Variants in SLC27A6 observed in about 807,000 individuals in gnomAD.
The protein encoded by SLC27A6 is long-chain fatty acid transport protein 6.
In SLC27A6, 74 loss-of-function variants were observed where a neutral mutation model predicts 63.9. The observed-to-expected ratio is 1.16, with a 90% CI of 0.96 to 1.40. The LOEUF (loss-of-function observed/expected upper bound fraction) is 1.40, where lower values mean the gene tolerates loss of function less well. SLC27A6 is among the 40% of genes most tolerant of loss of function. The probability of loss-of-function intolerance (pLI) is 0.00; values close to 1 mark genes in which losing one functional copy is unlikely to be tolerated. For synonymous variants in SLC27A6, 287 were observed against 260.8 expected, an observed-to-expected ratio of 1.10 and a Z score of -0.97; for missense variants, 794 against 732.9, an observed-to-expected ratio of 1.08 and a Z score of -0.96.
chr5:128,977,092 T>C (rs187342717), intron 1 of SLC27A6, among the ~76,000 whole-genome samples: 1 of 152,222 alleles, frequency 6.6e-6, no homozygotes, highest in East Asian at 1.9e-4. Context: ...AAATGAACAG[T>C]GGAGAGTGGA....
chr5:129,032,013 G>C (rs1225685243), intron 9 of SLC27A6, among the ~76,000 whole-genome samples: 1 of 151,608 alleles, frequency 6.6e-6, no homozygotes, highest in Non-Finnish European at 1.5e-5. Context: ...AATGTTGTAG[G>C]GTCTCTACAT....
At chr5:128,993,149 T>G (rs1237698269) in intron 4 of SLC27A6, among the ~76,000 whole-genome samples, 1 of 151,782 alleles carries the variant, frequency 6.6e-6, no homozygotes, top group Non-Finnish European at 1.5e-5. Context: ...TAGAAGCTCA[T>G]GCACATTGTA....
chr5:129,002,084 T>C (rs889211742), intron 4 of SLC27A6, among the ~76,000 whole-genome samples: 21 of 152,188 alleles, frequency 1.4e-4, no homozygotes, highest in African/African-American at 5.1e-4. Context: ...TCCTGAAAGC[T>C]AGAGGGAAAT....
Sources: allele counts gnomAD v4.1 joint callset (sites outside exome capture counted in the v4.1 genomes callset), GRCh38; gene constraint gnomAD v4.1.1; transcripts MANE v1.5; gene names NCBI Gene and HGNC (gene_info 2026-07-23, HGNC 2026-07-21).